ENTREP2: variants seen among roughly 807,000 people sequenced by gnomAD.
The protein encoded by ENTREP2 is protein ENTREP2.
the ENTREP2 span, among the ~76,000 whole-genome samples, chr15:29,531,501 T>G: frequency 1.3e-4 from 20 of 152,078 alleles, no homozygotes; most frequent in African/African-American, 4.8e-4. Context: ...AGGGCAGCCC[T>G]GGGGAGGGCC....
At chr15:29,668,828 C>A in the ENTREP2 span, among the ~76,000 whole-genome samples, 1 of 152,154 alleles carries the variant, frequency 6.6e-6, no homozygotes, top group African/African-American at 2.4e-5. Context: ...ATTAACTGCA[C>A]CCATATCTCA....
the ENTREP2 span, among the ~76,000 whole-genome samples, chr15:29,537,945 G>GA: frequency 6.6e-6 from 1 of 152,070 alleles, no homozygotes; most frequent in Non-Finnish European, 1.5e-5. Context: ...GGTCGCTACT[G>GA]AAAAATCACC....
chr15:29,469,386 G>A, the ENTREP2 span, among the ~76,000 whole-genome samples: 1 of 152,178 alleles, frequency 6.6e-6, no homozygotes, highest in Non-Finnish European at 1.5e-5. Flanking sequence ...TTTTAGTAGA[G>A]ACAGGGTTTC....
chr15:29,199,349 T>G, the ENTREP2 span, among the ~76,000 whole-genome samples: 1 of 152,160 alleles, frequency 6.6e-6, no homozygotes, highest in Non-Finnish European at 1.5e-5. Flanking sequence ...GAAGATGGGA[T>G]CTAACACAGA....
At chr15:29,543,582 C>T in the ENTREP2 span, among the ~76,000 whole-genome samples, 3 of 152,230 alleles carry the variant, frequency 2.0e-5, no homozygotes, top group South Asian at 6.2e-4. Context: ...GAGTCGAGAC[C>T]AGCCTGGCCA....
chr15:29,589,734 G>A, the ENTREP2 span, among the ~76,000 whole-genome samples: 1 of 152,172 alleles, frequency 6.6e-6, no homozygotes, highest in African/African-American at 2.4e-5. Flanking sequence ...GATTAGTCAA[G>A]GCAGGCAGCT....
At chr15:29,503,249 G>A in the ENTREP2 span, among the ~76,000 whole-genome samples, 1 of 152,142 alleles carries the variant, frequency 6.6e-6, no homozygotes, top group Admixed American at 6.5e-5. Flanking sequence ...CATATGGAAT[G>A]TCATTTTCCA....
chr15:29,328,230 C>T, the ENTREP2 span, among the ~76,000 whole-genome samples: 2 of 151,970 alleles, frequency 1.3e-5, no homozygotes, highest in Non-Finnish European at 2.9e-5. Context: ...CTGGAAAGGG[C>T]AAAACGGTAG....
At chr15:29,145,096 A>G in the ENTREP2 span, among the ~76,000 whole-genome samples, 1 of 152,116 alleles carries the variant, frequency 6.6e-6, no homozygotes, top group African/African-American at 2.4e-5. Flanking sequence ...CTTCATAACA[A>G]TCTTCCAACA....
the ENTREP2 span, among the ~76,000 whole-genome samples, chr15:29,187,085 T>C: frequency 2.6e-5 from 4 of 152,128 alleles, no homozygotes; most frequent in Non-Finnish European, 5.9e-5. Context: ...TCTTTTCCTA[T>C]AGCTAACCTA....
At chr15:29,664,942 C>T in the ENTREP2 span, among the ~76,000 whole-genome samples, 1 of 152,184 alleles carries the variant, frequency 6.6e-6, no homozygotes. Context: ...TCTCTGCCAC[C>T]TTCTGGAGTG....
the ENTREP2 span, among the ~76,000 whole-genome samples, chr15:29,258,751 C>T: frequency 3.9e-5 from 6 of 152,150 alleles, no homozygotes; most frequent in Non-Finnish European, 4.4e-5. Flanking sequence ...CTCCCTCCTC[C>T]TAGCCCCTAG....
the ENTREP2 span, among the ~76,000 whole-genome samples, chr15:29,401,307 A>C: frequency 6.6e-6 from 1 of 152,218 alleles, no homozygotes; most frequent in African/African-American, 2.4e-5. Flanking sequence ...ATTTACAAAG[A>C]GCTCGTATAA....
At chr15:29,214,401 A>G in the ENTREP2 span, among the ~76,000 whole-genome samples, 6 of 152,208 alleles carry the variant, frequency 3.9e-5, no homozygotes, top group Non-Finnish European at 8.8e-5. Context: ...GACATGGATG[A>G]AGCTGGAAAC....
chr15:29,159,235 CG>C, the ENTREP2 span, among the ~76,000 whole-genome samples: 6 of 151,766 alleles, frequency 4.0e-5, no homozygotes, highest in Non-Finnish European at 5.9e-5. Context: ...CAGACCTCCG[CG>C]GTGAGTGTTA....
chr15:29,249,223 G>A, the ENTREP2 span, among the ~76,000 whole-genome samples: 6 of 152,198 alleles, frequency 3.9e-5, no homozygotes, highest in African/African-American at 4.8e-5. Flanking sequence ...CAGAAGAATC[G>A]CTTGAACCCA....
chr15:29,256,338 AT>A, the ENTREP2 span, among the ~76,000 whole-genome samples: 1 of 152,220 alleles, frequency 6.6e-6, no homozygotes, highest in Non-Finnish European at 1.5e-5. Context: ...AAAATTTAAA[AT>A]AAATATAGTC....
chr15:29,407,501 C>G, the ENTREP2 span, among the ~76,000 whole-genome samples: 4 of 152,018 alleles, frequency 2.6e-5, no homozygotes. Context: ...GACATGGGCT[C>G]AAGAAAACAG....
At chr15:29,353,001 G>C in the ENTREP2 span, among the ~76,000 whole-genome samples, 2,915 of 152,234 alleles carry the variant, frequency 0.019, 99 homozygotes, top group African/African-American at 0.067. Context: ...AAGTGACTTA[G>C]AATTTGCATG....
Sources: allele counts gnomAD v4.1 joint callset (sites outside exome capture counted in the v4.1 genomes callset), GRCh38; gene constraint gnomAD v4.1.1; transcripts MANE v1.5; gene names NCBI Gene and HGNC (gene_info 2026-07-23, HGNC 2026-07-21).